The following AOAH variants were observed in gnomAD, a reference collection of about 807,000 sequenced individuals.
AOAH encodes the protein acyloxyacyl hydrolase (neutrophil).
A neutral mutation model predicts 92.2 loss-of-function variants in AOAH; 64 were observed. That is an observed-to-expected ratio of 0.69 (90% CI 0.57 to 0.86). The LOEUF (loss-of-function observed/expected upper bound fraction) is 0.86. Among genes scored for constraint, AOAH ranks in the 40% least tolerant of loss-of-function variants. The probability of loss-of-function intolerance (pLI) is 0.00; values close to 1 mark genes in which losing one functional copy is unlikely to be tolerated. For synonymous variants in AOAH, 263 were observed against 254.5 expected (o/e 1.03, Z -0.32); for missense variants, 656 against 694.6 (o/e 0.94, Z 0.62).
At chr7:36,691,409 G>A (rs952862213) in intron 1 of AOAH, among the ~76,000 whole-genome samples, 1 of 152,182 alleles carries the variant, frequency 6.6e-6, no homozygotes, top group Non-Finnish European at 1.5e-5. Flanking sequence ...GTTACTCAGA[G>A]AGCATGGCAC....
intron 15 of AOAH, among the ~76,000 whole-genome samples, chr7:36,541,668 T>G (rs1785435356): frequency 6.6e-6 from 1 of 152,240 alleles, no homozygotes; most frequent in Admixed American, 6.5e-5. Context: ...ATCCATGCAA[T>G]GAACTGGCAC....
chr7:36,601,088 TC>T (rs1790543862), intron 11 of AOAH, among the ~76,000 whole-genome samples: 1 of 151,924 alleles, frequency 6.6e-6, no homozygotes, highest in African/African-American at 2.4e-5. Flanking sequence ...AGGTCTGCCT[TC>T]CAGTGGGGTC....
intron 1 of AOAH, among the ~76,000 whole-genome samples, chr7:36,712,665 G>A (rs954380050): frequency 3.2e-4 from 48 of 152,280 alleles, no homozygotes; most frequent in Non-Finnish European, 4.9e-4. Flanking sequence ...GAAGAGAGTG[G>A]GGGCCAATAT....
chr7:36,551,097 A>T, intron 13 of AOAH, among the ~76,000 whole-genome samples: 1 of 141,042 alleles, frequency 7.1e-6, no homozygotes, highest in African/African-American at 2.6e-5. Context: ...TTTTTTAGAC[A>T]GAGTCTTGCT....
At chr7:36,534,736 T>G (rs937949601) in intron 16 of AOAH, among the ~76,000 whole-genome samples, 25 of 152,322 alleles carry the variant, frequency 1.6e-4, no homozygotes, top group African/African-American at 4.6e-4. Context: ...ACTCCCTGGT[T>G]AGAAAGTCCA....
Position 36,620,403 on chromosome 7 carries a change from A to T in AOAH, c.702+378T>A, listed in dbSNP as rs1252712786. 1.1e-4 allele frequency among the ~76,000 whole-genome samples: 16 copies of T among 151,834 alleles called. No individual in the cohort carries two copies. In the East Asian group the frequency reaches 2.3e-3, roughly 22 times the overall value. ...TGCTCTGCCCGGCTAGGCTTATGAA[A>T]CAGAAAAAAAAAAATGGCTGCAACA... On this transcript the variant is annotated intron_variant, in intron 9 of 20. Transcript: ENST00000617537.
intron 1 of AOAH, among the ~76,000 whole-genome samples, chr7:36,699,681 T>C (rs142639125): frequency 1.4e-3 from 213 of 151,816 alleles, no homozygotes; most frequent in African/African-American, 5.0e-3. Context: ...GCTTCTTATA[T>C]ATTCTTGTTA....
chr7:36,693,536 T>G (rs533619474), intron 1 of AOAH, among the ~76,000 whole-genome samples: 2 of 152,320 alleles, frequency 1.3e-5, no homozygotes, highest in Non-Finnish European at 2.9e-5. Flanking sequence ...TGAAATTATT[T>G]TTTTGATCAC....
chr7:36,713,524 C>T (rs1798917012), intron 1 of AOAH, among the ~76,000 whole-genome samples: 1 of 152,212 alleles, frequency 6.6e-6, no homozygotes, highest in African/African-American at 2.4e-5. Context: ...ACAGAATATA[C>T]TTTCTTTTCA....
At chr7:36,624,186 T>A (rs1315659769) in intron 6 of AOAH, among the ~76,000 whole-genome samples, 1 of 152,222 alleles carries the variant, frequency 6.6e-6, no homozygotes, top group East Asian at 1.9e-4. Flanking sequence ...CCTTCATTCC[T>A]TCCTTGCTTT....
chr7:36,669,630 G>A (rs918590973), intron 3 of AOAH, among the ~76,000 whole-genome samples: 1 of 152,064 alleles, frequency 6.6e-6, no homozygotes, highest in Non-Finnish European at 1.5e-5. Context: ...TGATCCACCC[G>A]CCTCAGCCTC....
intron 4 of AOAH, among the ~76,000 whole-genome samples, chr7:36,656,812 A>C (rs1794917832): frequency 7.0e-6 from 1 of 143,202 alleles, no homozygotes; most frequent in Admixed American, 7.2e-5. Flanking sequence ...TCACCACGGC[A>C]CCTAGATAAG....
intron 4 of AOAH, among the ~76,000 whole-genome samples, chr7:36,652,726 C>T (rs1004916569): frequency 1.3e-5 from 2 of 152,208 alleles, no homozygotes; most frequent in East Asian, 1.9e-4. Flanking sequence ...AAGATGAAGA[C>T]ATCAAACAAA....
At chr7:36,547,373 C>T (rs1466468234) in intron 15 of AOAH, among the ~76,000 whole-genome samples, 1 of 152,206 alleles carries the variant, frequency 6.6e-6, no homozygotes, top group Non-Finnish European at 1.5e-5. Flanking sequence ...ATTATGTCTG[C>T]ATCTCCTTTG....
intron 1 of AOAH, among the ~76,000 whole-genome samples, chr7:36,710,027 G>C (rs891839436): frequency 2.0e-5 from 3 of 152,108 alleles, no homozygotes; most frequent in Admixed American, 6.6e-5. Context: ...AAGTTTGAAG[G>C]CTCTTTTTGG....
Position 36,567,957 on chromosome 7 carries a change from A to G in AOAH, c.1021+8617T>C, listed in dbSNP as rs117690862. On this transcript the variant is annotated intron_variant, in intron 13 of 20. Transcript: ENST00000617537. Reference sequence around the variant, plus strand: ...TTAGGCTTTGCAGCTGGGGCCCTGTACATTAGAGTGGCTAAAGGCAGATTC... The same window carrying G: ...TTAGGCTTTGCAGCTGGGGCCCTGTGCATTAGAGTGGCTAAAGGCAGATTC... Among the ~76,000 whole-genome samples, 23 of 152,352 alleles carry G rather than the reference A, an allele frequency of 1.5e-4. 1 individual carries two copies. In the East Asian group the frequency reaches 4.4e-3, roughly 29 times the overall value.
intron 3 of AOAH, among the ~76,000 whole-genome samples, chr7:36,671,335 C>T (rs1795913178): frequency 6.6e-6 from 1 of 152,114 alleles, no homozygotes; most frequent in Admixed American, 6.5e-5. Context: ...CTCTTCCTAC[C>T]TCTTTTTCTT....
rs763476268 is a variant in AOAH at position 36,724,069 on chromosome 7, T to C, written c.80A>G (p.Asn27Ser). The C allele has an allele frequency of 1.2e-6, 2 of 1,613,820 alleles. No homozygotes were observed. The highest frequency in any genetic ancestry group is 2.2e-5 in the East Asian group (1 of 44,860). The stretch of plus-strand genomic sequence containing the variant: ...GAGGCTGGGCCTGGACTGGTCATCG[T>C]TGGCTGGAGAGGCCGAGGACTGAAG... The part of the protein sequence containing the change: ...LSLQSSASPA[N>S]DDQSRPSLSN... Residue 27 changes from asparagine (N) to serine (S), a missense_variant, in exon 1 of 21, where the codon AAC becomes AGC. Physicochemically the swap from Asn to Ser is conservative, Grantham distance 46. Transcript: ENST00000617537.
At chr7:36,521,949 G>C in intron 20 of AOAH, 90 bp downstream of exon 20, 2 of 1,109,390 alleles carry the variant, frequency 1.8e-6, no homozygotes, top group Non-Finnish European at 2.7e-6. Flanking sequence ...AACAAAACAG[G>C]ATAAAAATAA....
Sources: gnomAD v4.1 joint callset for allele counts (sites outside exome capture counted in the v4.1 genomes callset) on GRCh38, gnomAD v4.1.1 for gene constraint, MANE v1.5 for transcripts, NCBI Gene and HGNC (gene_info 2026-07-23, HGNC 2026-07-21) for gene names.